Variants in RASSF5 observed in about 807,000 individuals in gnomAD.
RASSF5 encodes the protein Ras association domain family member 5.
RASSF5 carries 25 observed loss-of-function variants against 40.5 expected under a neutral mutation model. The ratio of observed to expected loss-of-function variants is 0.62; its 90% CI spans 0.45 to 0.86. The LOEUF is 0.86. RASSF5 is among the 40% of genes least tolerant of loss of function. The pLI, the probability that RASSF5 is intolerant of heterozygous loss-of-function variation, is 0.00. For missense variants in RASSF5, 521 were observed against 572.8 expected (o/e 0.91, Z 0.92); for synonymous variants, 246 against 252.4 (o/e 0.97, Z 0.24).
At position 206,579,939 on chromosome 1, in the gene RASSF5, C is replaced by A. The variant is rs1668802989; in HGVS notation, c.580-3330C>A. Among the ~76,000 whole-genome samples, 1 of 152,178 alleles carries A rather than the reference C, an allele frequency of 6.6e-6. No homozygotes were observed. Among genetic ancestry groups the A allele is most frequent in the South Asian group, 2.1e-4 (1 of 4,826 alleles). On this transcript the variant is annotated intron_variant, in intron 2 of 5. Coordinates refer to ENST00000579436, the MANE Select transcript of RASSF5 (RefSeq NM_182663.4). This position sits in a 1 kb window ranked among gnomAD's most constrained non-coding sequence, Gnocchi z 4.2. Reference sequence around the variant, plus strand: ...GATATTTTTGTGGGCAGCAGCCATCCCAGACCTGGGTGCTGGCATTCCATG... The same window carrying A: ...GATATTTTTGTGGGCAGCAGCCATCACAGACCTGGGTGCTGGCATTCCATG...
At chr1:206,518,474 G>A (rs1226158055) in intron 1 of RASSF5, 14 of 398,510 alleles carry the variant, frequency 3.5e-5, no homozygotes, top group Middle Eastern at 1.2e-3. Context: ...GCAGGCTCCC[G>A]AAGAGCCGCT....
At chr1:206,575,993 C>T (rs1450300291) in intron 2 of RASSF5, among the ~76,000 whole-genome samples, 1 of 152,204 alleles carries the variant, frequency 6.6e-6, no homozygotes, top group Non-Finnish European at 1.5e-5. Flanking sequence ...TTGCCCTCCC[C>T]TGCCACCCAA....
chr1:206,540,495 C>T (rs782814906), intron 2 of RASSF5, among the ~76,000 whole-genome samples: 24 of 152,242 alleles, frequency 1.6e-4, no homozygotes, highest in Non-Finnish European at 2.6e-4. Context: ...GGAGCTGAAC[C>T]GCCCCCAGTG....
At chr1:206,525,020 C>T (rs1442539720) in intron 1 of RASSF5, among the ~76,000 whole-genome samples, 4 of 152,084 alleles carry the variant, frequency 2.6e-5, no homozygotes, top group Non-Finnish European at 4.4e-5. Flanking sequence ...GCAGGCACTC[C>T]TCTTACTTCC....
chr1:206,529,660 A>T, intron 1 of RASSF5: 1 of 759,696 alleles, frequency 1.3e-6, no homozygotes, highest in South Asian at 1.4e-5. Context: ...CACATCGCCA[A>T]ATTCAAAAAG....
chr1:206,549,164 C>G (rs995256871), intron 2 of RASSF5, among the ~76,000 whole-genome samples: 17 of 152,216 alleles, frequency 1.1e-4, no homozygotes, highest in Admixed American at 8.5e-4. Context: ...CCATGCCTGG[C>G]CTGTGCTTCA....
At chr1:206,585,145 G>A (rs781905908) in intron 4 of RASSF5, 35 bp from the exon 5 acceptor site, 1 of 1,542,690 alleles carries the variant, frequency 6.5e-7, no homozygotes, top group Non-Finnish European at 8.9e-7. Context: ...CTTCTTTTCT[G>A]GGAAGAGCTC....
chr1:206,558,816 A>G (rs1287526215), intron 2 of RASSF5, among the ~76,000 whole-genome samples: 1 of 152,204 alleles, frequency 6.6e-6, no homozygotes, highest in Non-Finnish European at 1.5e-5. Context: ...GGCACCACTC[A>G]TGAGGCTGGA....
At chr1:206,565,801 G>A (rs1327535762) in intron 2 of RASSF5, among the ~76,000 whole-genome samples, 1 of 152,204 alleles carries the variant, frequency 6.6e-6, no homozygotes, top group Non-Finnish European at 1.5e-5. Flanking sequence ...GGAACAGGCT[G>A]CCAGCAGACA....
At chr1:206,546,081 C>T (rs1365001037) in intron 2 of RASSF5, among the ~76,000 whole-genome samples, 6 of 54,452 alleles carry the variant, frequency 1.1e-4, no homozygotes, top group Admixed American at 2.1e-4. Flanking sequence ...TTTCTTTCTT[C>T]TTTTTCTATT....
rs1485845059 is a variant in RASSF5, at chr1:206,552,506, A to G, written c.579+14213A>G. Among the ~76,000 whole-genome samples the G allele has an allele frequency of 6.6e-6, 1 of 152,192 alleles. No homozygotes were observed. The highest frequency in any genetic ancestry group is 1.5e-5 in the Non-Finnish European group (1 of 68,030). On this transcript the variant is annotated intron_variant, in intron 2 of 5. Transcript: ENST00000579436. The surrounding 1 kb of genome is among the most constrained non-coding windows in gnomAD (Gnocchi z 4.1). Reference sequence around the variant, plus strand: ...GATCGAATTTTGTGCAGCTGTAATGAGGGTTGCTTGATTGCACCTGGAGAT... The same window carrying G: ...GATCGAATTTTGTGCAGCTGTAATGGGGGTTGCTTGATTGCACCTGGAGAT...
chr1:206,524,902 T>A (rs1027525416), intron 1 of RASSF5, among the ~76,000 whole-genome samples: 24 of 149,610 alleles, frequency 1.6e-4, no homozygotes, highest in African/African-American at 5.4e-4. Flanking sequence ...CAGGGCAGAG[T>A]GGGGACATGC....
At chr1:206,525,944 T>G (rs1667086420) in intron 1 of RASSF5, among the ~76,000 whole-genome samples, 2 of 152,200 alleles carry the variant, frequency 1.3e-5, no homozygotes. Flanking sequence ...CTCTCTTTCC[T>G]GTGCCTCAGT....
chr1:206,519,369 A>C (rs955030990), intron 1 of RASSF5, among the ~76,000 whole-genome samples: 1 of 152,010 alleles, frequency 6.6e-6, no homozygotes, highest in African/African-American at 2.4e-5. Context: ...AGCATCTTAC[A>C]CTTCTGTAGC....
intron 1 of RASSF5, among the ~76,000 whole-genome samples, chr1:206,511,626 A>T (rs945858504): frequency 1.3e-5 from 2 of 152,150 alleles, no homozygotes; most frequent in Non-Finnish European, 2.9e-5. Flanking sequence ...TTGGAATTAC[A>T]TGGTTGAAAG....
At chr1:206,553,699 AG>A (rs1432911264) in intron 2 of RASSF5, among the ~76,000 whole-genome samples, 4 of 152,224 alleles carry the variant, frequency 2.6e-5, no homozygotes, top group African/African-American at 9.6e-5. Context: ...CAAGGAGAGC[AG>A]GGGTACACAG....
rs1398250144 is a variant in RASSF5 at position 206,524,589 on chromosome 1, TTATATATTATGTATAATATATAAAA to T, written c.458-13547_458-13523del. On this transcript the variant is annotated intron_variant, in intron 1 of 5. Transcript: ENST00000579436. ...TTATGTATAATATATAAAATATATA[TTATATATTATGTATAATATATAAAA>T]TATATATTATGTATAATATATAAAA... Among the ~76,000 whole-genome samples, 56 of 123,516 alleles carry T rather than the reference TTATATATTATGTATAATATATAAAA, an allele frequency of 4.5e-4. 1 individual carries two copies. Among genetic ancestry groups the T allele is most frequent in the East Asian group, 2.3e-3 (11 of 4,740 alleles). 81.0% of individuals were successfully genotyped at this position (123,516 alleles called of 152,430 possible).
In RASSF5 at chr1:206,581,672, G is replaced by GGAAA. The variant is rs139599723; in HGVS notation, c.580-1587_580-1584dup. Among the ~76,000 whole-genome samples the GGAAA allele has an allele frequency of 1.5e-3, 233 of 151,402 alleles. 1 individual carries two copies. Among genetic ancestry groups the GGAAA allele is most frequent in the Middle Eastern group, 3.4e-3 (1 of 292 alleles). Reference sequence around the variant, plus strand: ...GAGAGAAAGAAAAGGAAGGAAGGAAGGAAAGAAAGAAAGGAGGATGTCAGC... The same window carrying GGAAA: ...GAGAGAAAGAAAAGGAAGGAAGGAAGGAAAGAAAGAAAGAAAGGAGGATGTCAGC... On this transcript the variant is annotated intron_variant, in intron 2 of 5. Transcript: ENST00000579436.
chr1:206,539,142 G>A (rs1031088824), intron 2 of RASSF5, among the ~76,000 whole-genome samples: 4 of 152,180 alleles, frequency 2.6e-5, no homozygotes, highest in Non-Finnish European at 4.4e-5. Flanking sequence ...TGCGAGTCAG[G>A]GAAGTAAGAA....
Sources: allele counts gnomAD v4.1 joint callset (sites outside exome capture counted in the v4.1 genomes callset), GRCh38; gene constraint gnomAD v4.1.1; non-coding constraint Gnocchi (gnomAD v3.1); transcripts MANE v1.5; gene names NCBI Gene and HGNC (gene_info 2026-07-23, HGNC 2026-07-21).